GTF2IRD2B: variants seen among roughly 807,000 people sequenced by gnomAD.
The protein encoded by GTF2IRD2B is GTF2I repeat domain containing 2B.
In GTF2IRD2B, 10 loss-of-function variants were observed where a neutral mutation model predicts 55.6. That is an observed-to-expected ratio of 0.18 (90% CI 0.11 to 0.31). The LOEUF is 0.31. Among genes scored for constraint, GTF2IRD2B ranks in the 10% least tolerant of loss-of-function variants. The pLI is 1.00. For synonymous variants in GTF2IRD2B, 107 were observed against 320.5 expected (o/e 0.33, Z 7.12); for missense variants, 206 against 802.7 (o/e 0.26, Z 8.98).
rs1807285315 is a variant in GTF2IRD2B, at chr7:75,092,771, T to C, written c.-6+6T>C. The C allele has an allele frequency of 2.0e-5, 3 of 153,738 alleles. No homozygotes were observed. The South Asian group carries it at 5.3e-4, about 27-fold the overall frequency. The allele number at this position is 153,738 out of a possible 1,614,324, so 9.5% of individuals were successfully genotyped here. On this transcript the variant is annotated splice_donor_region_variant and intron_variant, in intron 1 of 15. Transcript: ENST00000472837. Reference sequence around the variant, plus strand: ...GCGCGGCCCAGCGCCCTCAGGTGCGTACCCCGCCCCCGCCGCCGACGCCGC... The same window carrying C: ...GCGCGGCCCAGCGCCCTCAGGTGCGCACCCCGCCCCCGCCGCCGACGCCGC...
intron 3 of GTF2IRD2B, among the ~76,000 whole-genome samples, chr7:75,117,931 A>C: frequency 6.6e-6 from 1 of 152,160 alleles, no homozygotes; most frequent in Non-Finnish European, 1.5e-5. Flanking sequence ...AAAAATACAA[A>C]AATTAGCTGG....
chr7:75,130,456 G>A (rs1440985147), intron 8 of GTF2IRD2B, among the ~76,000 whole-genome samples: 4 of 135,782 alleles, frequency 2.9e-5, no homozygotes, highest in Admixed American at 7.4e-5. Flanking sequence ...TAGGATTACA[G>A]ACATGAGCCA....
At chr7:75,102,514 G>C (rs1225770342) in intron 1 of GTF2IRD2B, among the ~76,000 whole-genome samples, 1 of 151,430 alleles carries the variant, frequency 6.6e-6, no homozygotes, top group Non-Finnish European at 1.5e-5. Flanking sequence ...GGAAGTAGTT[G>C]ATTGAGCCAG....
In GTF2IRD2B at chr7:75,132,618, G is replaced by A. The variant is rs587672637; in HGVS notation, c.671-517G>A. Among the ~76,000 whole-genome samples, 285 of 104,054 alleles carry A rather than the reference G, an allele frequency of 2.7e-3. 2 individuals are homozygous for A. The highest frequency in any genetic ancestry group is 0.012 in the African/African-American group (273 of 22,298). The allele number at this position is 104,054 out of a possible 152,430, so 68.3% of individuals were successfully genotyped here. On this transcript the variant is annotated intron_variant, in intron 8 of 15. Transcript: ENST00000472837. ...TCAACCAGCTGGAGTGCAGTGGCTC[G>A]ATCTCAGCTCACTGCAACCTCCACC...
chr7:75,148,403 T>C lies in GTF2IRD2B; in HGVS notation c.1956T>C (p.Cys652=), dbSNP rs782689837. The stretch of plus-strand genomic sequence containing the variant: ...AGGGTGCGGAACTGAAGTCCATCTG[T>C]TGTATAATTCATCCGGAATCACTCT... ...FCKGAELKSI[C]CIIHPESLCA... Residue 652 remains cysteine, a synonymous_variant, in exon 16 of 16, where the codon TGT becomes TGC. Coordinates refer to ENST00000472837, the MANE Select transcript of GTF2IRD2B (RefSeq NM_001003795.3). 4.1e-5 allele frequency: 66 copies of C among 1,611,448 alleles called. No homozygotes were observed. Among genetic ancestry groups the C allele is most frequent in the Non-Finnish European group, 5.3e-5 (62 of 1,178,640 alleles).
chr7:75,096,670 C>T (rs1248105918), intron 1 of GTF2IRD2B, among the ~76,000 whole-genome samples: 9 of 146,998 alleles, frequency 6.1e-5, no homozygotes, highest in Admixed American at 6.0e-4. Flanking sequence ...AGGTGATCCA[C>T]CTGCCTCAGC....
rs782615789 is a variant in GTF2IRD2B, at chr7:75,123,117, C to A, written c.359-19C>A. The A allele has an allele frequency of 6.5e-7, 1 of 1,543,256 alleles. No individual in the cohort carries two copies. Among genetic ancestry groups the A allele is most frequent in the East Asian group, 2.3e-5 (1 of 44,218 alleles). On this transcript the variant is annotated intron_variant, in intron 4 of 15. Coordinates refer to ENST00000472837, the MANE Select transcript of GTF2IRD2B (RefSeq NM_001003795.3). Reference sequence around the variant, plus strand: ...ACGTTAGGTTCACACCATCCAAAGACGTTTGCGTCTTCTTGTAGGTAAAGC... The same window carrying A: ...ACGTTAGGTTCACACCATCCAAAGAAGTTTGCGTCTTCTTGTAGGTAAAGC...
chr7:75,127,189 C>T (rs1808546489), intron 8 of GTF2IRD2B, among the ~76,000 whole-genome samples: 1 of 151,194 alleles, frequency 6.6e-6, no homozygotes, highest in African/African-American at 2.4e-5. Flanking sequence ...ATCTAGAAAA[C>T]AAGCCTTGGC....
At chr7:75,115,684 C>T (rs1380812742) in intron 3 of GTF2IRD2B, among the ~76,000 whole-genome samples, 1 of 148,588 alleles carries the variant, frequency 6.7e-6, no homozygotes, top group Non-Finnish European at 1.5e-5. Flanking sequence ...CCACCCTCCT[C>T]AGCCTCCCAA....
At chr7:75,092,945 G>A (rs1190641313) in intron 1 of GTF2IRD2B, among the ~76,000 whole-genome samples, 180 bp downstream of exon 1, 8 of 151,884 alleles carry the variant, frequency 5.3e-5, no homozygotes, top group Admixed American at 2.6e-4. Flanking sequence ...GATCCCTGCT[G>A]GCAGGACCAG....
intron 1 of GTF2IRD2B, among the ~76,000 whole-genome samples, chr7:75,096,440 G>T (rs1204686451): frequency 0.02 from 225 of 11,174 alleles, no homozygotes; most frequent in Middle Eastern, 0.083. Flanking sequence ...TTTTTTTTTT[G>T]AGATGGAGTT....
Position 75,148,317 on chromosome 7 carries a change from A to G in GTF2IRD2B, c.1870A>G (p.Met624Val). 6.2e-7 allele frequency: 1 copy of G among 1,613,578 alleles called. No individual in the cohort carries two copies. The highest frequency in any genetic ancestry group is 1.1e-5 in the South Asian group (1 of 91,054). The change falls in exon 16 of 16, where the codon ATG becomes GTG. Residue 624 changes from methionine to valine, a missense_variant. Transcript: ENST00000472837. ...VSVASTGTPA[M>V]VDANNGLVTK... is the part of the protein sequence containing the mutation. ...CGTGGCCTCCACTGGCACCCCAGCG[A>G]TGGTGGATGCCAATAACGGGCTTGT...
intron 2 of GTF2IRD2B, among the ~76,000 whole-genome samples, chr7:75,111,281 A>AAT (rs1807968700): frequency 2.3e-5 from 1 of 43,726 alleles, no homozygotes; most frequent in African/African-American, 5.4e-5. Context: ...ACCCTCTCTC[A>AAT]AATAATAATA....
chr7:75,104,214 C>T (rs1269482643), intron 1 of GTF2IRD2B, among the ~76,000 whole-genome samples: 5 of 145,482 alleles, frequency 3.4e-5, no homozygotes, highest in African/African-American at 1.3e-4. Context: ...CCTCCGCCTC[C>T]TGGGTTCAAG....
At chr7:75,105,164 G>T (rs1274852357) in intron 1 of GTF2IRD2B, among the ~76,000 whole-genome samples, 3 of 152,266 alleles carry the variant, frequency 2.0e-5, no homozygotes, top group Non-Finnish European at 4.4e-5. Context: ...CTCCAACCTG[G>T]GTGACAGAGC....
rs587727118 is a variant in GTF2IRD2B, at chr7:75,124,010, C to A, written c.571+494C>A. On this transcript the variant is annotated intron_variant, in intron 6 of 15. Transcript: ENST00000472837. ...CACATTCTGCAGATGTATCCCCCCCCCTTTTTTTTTTAGAAGAAATAAAGA... is the reference window on the plus strand; with the variant it reads ...CACATTCTGCAGATGTATCCCCCCCACTTTTTTTTTTAGAAGAAATAAAGA... The A allele has an allele frequency of 2.5e-3, 424 of 167,828 alleles. 8 individuals carry two copies. Among genetic ancestry groups the A allele is most frequent in the African/African-American group, 9.3e-3 (381 of 40,898 alleles). The allele number at this position is 167,828 out of a possible 1,614,324, so 10.4% of individuals were successfully genotyped here.
chr7:75,132,399 C>T (rs1808689486), intron 8 of GTF2IRD2B, among the ~76,000 whole-genome samples: 2 of 136,750 alleles, frequency 1.5e-5, no homozygotes, highest in Admixed American at 1.4e-4. Context: ...GTTCAGGCTT[C>T]ATGACAGAAG....
At chr7:75,112,095 C>A (rs1169777149) in intron 2 of GTF2IRD2B, among the ~76,000 whole-genome samples, 2 of 27,546 alleles carry the variant, frequency 7.3e-5, no homozygotes, top group Non-Finnish European at 1.0e-4. Flanking sequence ...TACACACACA[C>A]ACACACACAC....
At chr7:75,104,032 C>T (rs1422533729) in intron 1 of GTF2IRD2B, among the ~76,000 whole-genome samples, 249 of 148,964 alleles carry the variant, frequency 1.7e-3, no homozygotes, top group Middle Eastern at 3.4e-3. Context: ...CCAGTCTGGG[C>T]GACAGAGCGA....
Sources: gnomAD v4.1 joint callset for allele counts (sites outside exome capture counted in the v4.1 genomes callset) on GRCh38, gnomAD v4.1.1 for gene constraint, MANE v1.5 for transcripts, NCBI Gene and HGNC (gene_info 2026-07-23, HGNC 2026-07-21) for gene names.